The following TRAPPC5 variants were observed in gnomAD, a reference collection of about 807,000 sequenced individuals.
TRAPPC5 encodes trafficking protein particle complex subunit 5.
In TRAPPC5, 5 loss-of-function variants were observed where a neutral mutation model predicts 9.8. The ratio of observed to expected loss-of-function variants is 0.51; its 90% CI spans 0.27 to 1.07. TRAPPC5 has a LOEUF of 1.07. Ranked by LOEUF, TRAPPC5 falls within the 50% of genes least tolerant of loss-of-function variation. The pLI, the probability that TRAPPC5 is intolerant of heterozygous loss-of-function variation, is 0.12. For missense variants in TRAPPC5, 243 were observed against 291.5 expected (o/e 0.83, Z 1.21); for synonymous variants, 146 against 140.7 (o/e 1.04, Z -0.26).
chr19:7,682,225 TC>T lies in TRAPPC5; in HGVS notation c.-12-15del, dbSNP rs1429888638. 7.2e-7 allele frequency: 1 copy of T among 1,384,156 alleles called. No homozygotes were observed. Among genetic ancestry groups the T allele is most frequent in the Non-Finnish European group, 9.3e-7 (1 of 1,077,114 alleles). The allele number at this position is 1,384,156 out of a possible 1,614,324, so 85.7% of individuals were successfully genotyped here. The stretch of plus-strand genomic sequence containing the variant: ...TCCCATTGCCCCTGACACCTGCACT[TC>T]CTGGTCTCCCCGCAGGGTGGCGGCG... On this transcript the variant is annotated splice_polypyrimidine_tract_variant and intron_variant, in intron 1 of 1. Coordinates refer to ENST00000596148, the MANE Select transcript of TRAPPC5 (RefSeq NM_001042462.2). This position sits in a 1 kb window ranked among gnomAD's most constrained non-coding sequence, Gnocchi z 8.6.
At position 7,687,414 on chromosome 19, in the gene TRAPPC5, C is replaced by G. The variant is rs1398106388; in HGVS notation, c.*4594C>G. 6.6e-6 allele frequency: 1 copy of G among 152,382 alleles called. No individual in the cohort carries two copies. The highest frequency in any genetic ancestry group is 6.5e-5 in the Admixed American group (1 of 15,280). The allele number at this position is 152,382 out of a possible 1,614,324, so 9.4% of individuals were successfully genotyped here. ...AGCGTGAGGCTGGTGCCACCTCAGC[C>G]TCCCAGACCCTGAGTAGGGTTAACA... On this transcript the variant is annotated 3_prime_UTR_variant, in exon 2 of 2. Coordinates refer to ENST00000596148, the MANE Select transcript of TRAPPC5 (RefSeq NM_001042462.2).
chr19:7,682,924 C>T lies in TRAPPC5; in HGVS notation c.*104C>T. On this transcript the variant is annotated 3_prime_UTR_variant, in exon 2 of 2. Coordinates refer to ENST00000596148, the MANE Select transcript of TRAPPC5 (RefSeq NM_001042462.2). The surrounding 1 kb of genome is among the most constrained non-coding windows in gnomAD (Gnocchi z 8.6). ...AGTACCTTGAGCCACAGCCCTGCCCCAGGCTGGGGAGGGAGGCCAGGTCCG... is the reference window on the plus strand; with the variant it reads ...AGTACCTTGAGCCACAGCCCTGCCCTAGGCTGGGGAGGGAGGCCAGGTCCG... The T allele has an allele frequency of 4.5e-6, 6 of 1,331,380 alleles. No homozygotes were observed. The highest frequency in any genetic ancestry group is 6.1e-6 in the Non-Finnish European group (6 of 983,776). The allele number at this position is 1,331,380 out of a possible 1,614,324, so 82.5% of individuals were successfully genotyped here.
At position 7,682,638 on chromosome 19, in the gene TRAPPC5, T is replaced by TC; in HGVS notation, c.387dup (p.Val130ArgfsTer121). ...CGAGCCGCTCATCAACACCTACATC[T>TC]CCGTGCCCAAGGAGAACAGCACGCT... On this transcript the variant is annotated frameshift_variant, in exon 2 of 2. Transcript: ENST00000596148. LOFTEE classifies it high-confidence loss of function. The surrounding 1 kb of genome is among the most constrained non-coding windows in gnomAD (Gnocchi z 8.6). 1.2e-6 allele frequency: 2 copies of TC among 1,613,708 alleles called. No homozygotes were observed. The highest frequency in any genetic ancestry group is 2.7e-5 in the African/African-American group (2 of 75,016).
Position 7,682,271 on chromosome 19 carries a change from G to C in TRAPPC5, c.18G>C (p.Thr6=), listed in dbSNP as rs768109350. The change falls in exon 2 of 2, where the codon ACG becomes ACC. Residue 6 remains threonine (T), a synonymous_variant. Coordinates refer to ENST00000596148, the MANE Select transcript of TRAPPC5 (RefSeq NM_001042462.2). The surrounding 1 kb of genome is among the most constrained non-coding windows in gnomAD (Gnocchi z 8.6). The stretch of plus-strand genomic sequence containing the variant: ...GCGGCGGCATGGAGGCGCGCTTCAC[G>C]CGCGGGAAGTCGGCGCTGCTGGAGC... MEARF[T]RGKSALLERA... 7.1e-7 allele frequency: 1 copy of C among 1,412,732 alleles called. No individual in the cohort carries two copies. Among genetic ancestry groups the C allele is most frequent in the Non-Finnish European group, 9.2e-7 (1 of 1,091,160 alleles). 87.5% of individuals were successfully genotyped at this position (1,412,732 alleles called of 1,614,324 possible).
Position 7,682,233 on chromosome 19 carries a change from TC to T in TRAPPC5, c.-12-5del. ...CCCCTGACACCTGCACTTCCTGGTC[TC>T]CCCGCAGGGTGGCGGCGGCATGGAG... On this transcript the variant is annotated splice_polypyrimidine_tract_variant and splice_region_variant and intron_variant, in intron 1 of 1. Coordinates refer to ENST00000596148, the MANE Select transcript of TRAPPC5 (RefSeq NM_001042462.2). This position sits in a 1 kb window ranked among gnomAD's most constrained non-coding sequence, Gnocchi z 8.6. 7.2e-7 allele frequency: 1 copy of T among 1,385,732 alleles called. No individual in the cohort carries two copies. 85.8% of individuals were successfully genotyped at this position (1,385,732 alleles called of 1,614,324 possible).
Position 7,682,880 on chromosome 19 carries a change from G to T in TRAPPC5, c.*60G>T. 6.7e-7 allele frequency: 1 copy of T among 1,489,350 alleles called. No homozygotes were observed. The highest frequency in any genetic ancestry group is 9.0e-7 in the Non-Finnish European group (1 of 1,109,040). The allele number at this position is 1,489,350 out of a possible 1,614,324, so 92.3% of individuals were successfully genotyped here. The stretch of plus-strand genomic sequence containing the variant: ...CCCACGTGTGTCTTGTGTCTTGTGT[G>T]GCGGCCTTAGATCCACTCAGTACCT... On this transcript the variant is annotated 3_prime_UTR_variant, in exon 2 of 2. Transcript: ENST00000596148. This position sits in a 1 kb window ranked among gnomAD's most constrained non-coding sequence, Gnocchi z 8.6.
chr19:7,687,431 G>A lies in TRAPPC5; in HGVS notation c.*4611G>A, dbSNP rs968912296. On this transcript the variant is annotated 3_prime_UTR_variant, in exon 2 of 2. Coordinates refer to ENST00000596148, the MANE Select transcript of TRAPPC5 (RefSeq NM_001042462.2). ...ACCTCAGCCTCCCAGACCCTGAGTA[G>A]GGTTAACACCTCCAGACCCGAAATG... The A allele has an allele frequency of 1.5e-4, 23 of 152,450 alleles. No individual in the cohort carries two copies. The highest frequency in any genetic ancestry group is 5.5e-4 in the African/African-American group (23 of 41,550). 9.4% of individuals were successfully genotyped at this position (152,450 alleles called of 1,614,324 possible). A position where few individuals can be genotyped will look rare whatever the true frequency, so the allele number is the denominator to read the frequency against.
chr19:7,687,156 C>A lies in TRAPPC5; in HGVS notation c.*4336C>A. 6.5e-6 allele frequency: 1 copy of A among 152,742 alleles called. No homozygotes were observed. The highest frequency in any genetic ancestry group is 1.5e-5 in the Non-Finnish European group (1 of 68,294). The allele number at this position is 152,742 out of a possible 1,614,324, so 9.5% of individuals were successfully genotyped here. A position where few individuals can be genotyped will look rare whatever the true frequency, so the allele number is the denominator to read the frequency against. ...AGAGAGCCCCGGGCGGAGGTGACTG[C>A]TCCAGTCGAGGCAGTGGCAGAAGGG... On this transcript the variant is annotated 3_prime_UTR_variant, in exon 2 of 2. Coordinates refer to ENST00000596148, the MANE Select transcript of TRAPPC5 (RefSeq NM_001042462.2).
In TRAPPC5 at chr19:7,681,686, T is replaced by C. The variant is rs959848699; in HGVS notation, c.-12-556T>C. Among the ~76,000 whole-genome samples, 2 of 149,434 alleles carry C rather than the reference T, an allele frequency of 1.3e-5. No homozygotes were observed. The highest frequency in any genetic ancestry group is 2.5e-5 in the African/African-American group (1 of 40,482). On this transcript the variant is annotated intron_variant, in intron 1 of 1. Coordinates refer to ENST00000596148, the MANE Select transcript of TRAPPC5 (RefSeq NM_001042462.2). The surrounding 1 kb of genome is among the most constrained non-coding windows in gnomAD (Gnocchi z 8.7). ...TGGTCTTGACACGCTCCTACCCCAC[T>C]CCCACCCTCCACCCCCTTTACTCTG... is the stretch of plus-strand genomic sequence containing the variant.
At position 7,682,270 on chromosome 19, in the gene TRAPPC5, C is replaced by T; in HGVS notation, c.17C>T (p.Thr6Met). MEARF[T>M]RGKSALLERA... ...GGCGGCGGCATGGAGGCGCGCTTCA[C>T]GCGCGGGAAGTCGGCGCTGCTGGAG... Residue 6 changes from threonine to methionine, a missense_variant, in exon 2 of 2, where the codon ACG (threonine) becomes ATG (methionine). By Grantham distance (81) the Thr-to-Met change is moderately conservative. Around this residue, in one of 2 missense-constraint regions of TRAPPC5, gnomAD observed 89 missense variants for 75.7 expected, o/e 1.18. Coordinates refer to ENST00000596148, the MANE Select transcript of TRAPPC5 (RefSeq NM_001042462.2). The surrounding 1 kb of genome is among the most constrained non-coding windows in gnomAD (Gnocchi z 8.6). 2.1e-6 allele frequency: 3 copies of T among 1,412,060 alleles called. No individual in the cohort carries two copies. Among genetic ancestry groups the T allele is most frequent in the Non-Finnish European group, 2.7e-6 (3 of 1,090,960 alleles). 87.5% of individuals were successfully genotyped at this position (1,412,060 alleles called of 1,614,324 possible). A position where few individuals can be genotyped will look rare whatever the true frequency, so the allele number is the denominator to read the frequency against.
chr19:7,681,686 T>G lies in TRAPPC5; in HGVS notation c.-12-556T>G, dbSNP rs959848699. On this transcript the variant is annotated intron_variant, in intron 1 of 1. Coordinates refer to ENST00000596148, the MANE Select transcript of TRAPPC5 (RefSeq NM_001042462.2). The surrounding 1 kb of genome is among the most constrained non-coding windows in gnomAD (Gnocchi z 8.7). ...TGGTCTTGACACGCTCCTACCCCAC[T>G]CCCACCCTCCACCCCCTTTACTCTG... Among the ~76,000 whole-genome samples the G allele has an allele frequency of 1.5e-4, 23 of 149,548 alleles. No individual in the cohort carries two copies. The highest frequency in any genetic ancestry group is 5.4e-4 in the African/African-American group (22 of 40,602).
In TRAPPC5 at chr19:7,683,073, G is replaced by A. The variant is rs999227892; in HGVS notation, c.*253G>A. 3 of 539,668 alleles carry A rather than the reference G, an allele frequency of 5.6e-6. No homozygotes were observed. The highest frequency in any genetic ancestry group is 3.1e-5 in the East Asian group (1 of 32,084). 33.4% of individuals were successfully genotyped at this position (539,668 alleles called of 1,614,324 possible). The stretch of plus-strand genomic sequence containing the variant: ...TGGTGGGAAATGCTGGCAGGTTCTG[G>A]AATCACGGTTGGAGGCTGTCTGCAG... On this transcript the variant is annotated 3_prime_UTR_variant, in exon 2 of 2. Transcript: ENST00000596148.
At position 7,682,858 on chromosome 19, in the gene TRAPPC5, A is replaced by G. The variant is rs2032668350; in HGVS notation, c.*38A>G. The stretch of plus-strand genomic sequence containing the variant: ...TAAAGGATACAGAGAGCCCCTCCCC[A>G]CGTGTGTCTTGTGTCTTGTGTGGCG... On this transcript the variant is annotated 3_prime_UTR_variant, in exon 2 of 2. Coordinates refer to ENST00000596148, the MANE Select transcript of TRAPPC5 (RefSeq NM_001042462.2). The surrounding 1 kb of genome is among the most constrained non-coding windows in gnomAD (Gnocchi z 8.6). 6.6e-7 allele frequency: 1 copy of G among 1,520,630 alleles called. No individual in the cohort carries two copies. The highest frequency in any genetic ancestry group is 8.9e-7 in the Non-Finnish European group (1 of 1,127,230). The allele number at this position is 1,520,630 out of a possible 1,614,324, so 94.2% of individuals were successfully genotyped here.
In TRAPPC5 at chr19:7,683,180, G is replaced by C; in HGVS notation, c.*360G>C. ...ACTGGGGGTGGGCAAACTGCGCAAA[G>C]TGCCAGATGGGCAATATTTTATGCC... On this transcript the variant is annotated 3_prime_UTR_variant, in exon 2 of 2. Transcript: ENST00000596148. 1 of 271,700 alleles carries C rather than the reference G, an allele frequency of 3.7e-6. No homozygotes were observed. The highest frequency in any genetic ancestry group is 7.0e-6 in the Non-Finnish European group (1 of 142,758). 16.8% of individuals were successfully genotyped at this position (271,700 alleles called of 1,614,324 possible). A position where few individuals can be genotyped will look rare whatever the true frequency, so the allele number is the denominator to read the frequency against.
Position 7,683,175 on chromosome 19 carries a change from G to A in TRAPPC5, c.*355G>A, listed in dbSNP as rs975890571. On this transcript the variant is annotated 3_prime_UTR_variant, in exon 2 of 2. Coordinates refer to ENST00000596148, the MANE Select transcript of TRAPPC5 (RefSeq NM_001042462.2). ...TTTAGACTGGGGGTGGGCAAACTGCGCAAAGTGCCAGATGGGCAATATTTT... is the reference window on the plus strand; with the variant it reads ...TTTAGACTGGGGGTGGGCAAACTGCACAAAGTGCCAGATGGGCAATATTTT... 49 of 284,230 alleles carry A rather than the reference G, an allele frequency of 1.7e-4. No individual in the cohort carries two copies. Among genetic ancestry groups the A allele is most frequent in the African/African-American group, 6.6e-4 (30 of 45,632 alleles). The allele number at this position is 284,230 out of a possible 1,614,324, so 17.6% of individuals were successfully genotyped here. A position where few individuals can be genotyped will look rare whatever the true frequency, so the allele number is the denominator to read the frequency against.
rs937553727 is a variant in TRAPPC5 at position 7,686,943 on chromosome 19, G to GC, written c.*4123_*4124insC. The GC allele has an allele frequency of 5.5e-4, 84 of 151,752 alleles. No homozygotes were observed. Among genetic ancestry groups the GC allele is most frequent in the African/African-American group, 1.9e-3 (79 of 41,326 alleles). 9.4% of individuals were successfully genotyped at this position (151,752 alleles called of 1,614,324 possible). On this transcript the variant is annotated 3_prime_UTR_variant, in exon 2 of 2. Coordinates refer to ENST00000596148, the MANE Select transcript of TRAPPC5 (RefSeq NM_001042462.2). ...CAAGTTGCCCATCACTACACCTCTA[G>GC]TTTTTGTATTTTTTGTAGAGATGGG...
rs766181359 is a variant in TRAPPC5 at position 7,682,439 on chromosome 19, C to T, written c.186C>T (p.Gly62=). ...SRLAALGRQV[G]ARVLDALVAR... The stretch of plus-strand genomic sequence containing the variant: ...TGGCCGCGCTGGGCCGCCAGGTGGG[C>T]GCGCGCGTGCTGGATGCGCTGGTGG... The change falls in exon 2 of 2, where the codon GGC becomes GGT. Residue 62 remains glycine (G), a synonymous_variant. Coordinates refer to ENST00000596148, the MANE Select transcript of TRAPPC5 (RefSeq NM_001042462.2). This position sits in a 1 kb window ranked among gnomAD's most constrained non-coding sequence, Gnocchi z 8.6. 61 of 1,602,582 alleles carry T rather than the reference C, an allele frequency of 3.8e-5. No individual in the cohort carries two copies. In the Admixed American group the frequency reaches 8.3e-4, roughly 22 times the overall value.
rs79855382 is a variant in TRAPPC5, at chr19:7,682,931, G to A, written c.*111G>A. ...TGAGCCACAGCCCTGCCCCAGGCTG[G>A]GGAGGGAGGCCAGGTCCGAATGTGT... On this transcript the variant is annotated 3_prime_UTR_variant, in exon 2 of 2. Transcript: ENST00000596148. This position sits in a 1 kb window ranked among gnomAD's most constrained non-coding sequence, Gnocchi z 8.6. The A allele has an allele frequency of 5.5e-3, 7,005 of 1,271,008 alleles. 178 individuals are homozygous for A. In the East Asian group the frequency reaches 0.069, roughly 13 times the overall value. The allele number at this position is 1,271,008 out of a possible 1,614,324, so 78.7% of individuals were successfully genotyped here. A position where few individuals can be genotyped will look rare whatever the true frequency, so the allele number is the denominator to read the frequency against.
chr19:7,686,051 G>A lies in TRAPPC5; in HGVS notation c.*3231G>A, dbSNP rs1438293786. ...GAGAGGGGCTTCCAGGGCCGGCCAG[G>A]GCAGGGGCCATTCTTCTGTCCAGAG... On this transcript the variant is annotated 3_prime_UTR_variant, in exon 2 of 2. Coordinates refer to ENST00000596148, the MANE Select transcript of TRAPPC5 (RefSeq NM_001042462.2). 6.6e-6 allele frequency: 1 copy of A among 152,334 alleles called. No individual in the cohort carries two copies. The highest frequency in any genetic ancestry group is 1.9e-4 in the East Asian group (1 of 5,188). The allele number at this position is 152,334 out of a possible 1,614,324, so 9.4% of individuals were successfully genotyped here. A position where few individuals can be genotyped will look rare whatever the true frequency, so the allele number is the denominator to read the frequency against.
Sources: allele counts gnomAD v4.1 joint callset (sites outside exome capture counted in the v4.1 genomes callset), GRCh38; gene constraint gnomAD v4.1.1; regional missense constraint gnomAD v4.1.1; non-coding constraint Gnocchi (gnomAD v3.1); transcripts MANE v1.5; gene names NCBI Gene and HGNC (gene_info 2026-07-23, HGNC 2026-07-21).